TECRL: variants seen among roughly 807,000 people sequenced by gnomAD.
TECRL encodes the protein trans-2,3-enoyl-CoA reductase-like.
Under a neutral mutation model 52.8 loss-of-function variants are expected in TECRL, and 63 were observed. That is an observed-to-expected ratio of 1.19 (90% confidence interval 0.97 to 1.47). The LOEUF (loss-of-function observed/expected upper bound fraction) is 1.47. Among genes scored for constraint, TECRL ranks in the 40% most tolerant of loss-of-function variants. The pLI, the probability that TECRL is intolerant of heterozygous loss-of-function variation, is 0.00. For synonymous variants in TECRL, 164 were observed against 141.9 expected (o/e 1.16, Z -1.10); for missense variants, 482 against 429.6 (o/e 1.12, Z -1.08).
At chr4:64,301,881 A>T (rs895439668) in intron 7 of TECRL, among the ~76,000 whole-genome samples, 4 of 151,324 alleles carry the variant, frequency 2.6e-5, no homozygotes, top group African/African-American at 9.7e-5. Flanking sequence ...CCAAAAAAAC[A>T]AAGTTATAGG....
intron 2 of TECRL, among the ~76,000 whole-genome samples, chr4:64,350,721 T>A (rs1352534002): frequency 6.6e-6 from 1 of 151,892 alleles, no homozygotes; most frequent in Non-Finnish European, 1.5e-5. Flanking sequence ...GCCTTTTAAC[T>A]CGAACAGCAA....
intron 8 of TECRL, among the ~76,000 whole-genome samples, chr4:64,295,649 G>A (rs567180682): frequency 2.0e-5 from 3 of 151,804 alleles, no homozygotes; most frequent in African/African-American, 7.2e-5. Context: ...AAACATTCAT[G>A]ATTTTTTCAC....
At chr4:64,340,545 G>A (rs949541178) in intron 2 of TECRL, among the ~76,000 whole-genome samples, 3 of 152,238 alleles carry the variant, frequency 2.0e-5, no homozygotes, top group Non-Finnish European at 4.4e-5. Context: ...GCCCCCTGCT[G>A]CCTGCTGCTC....
chr4:64,374,458 T>C (rs6840506), intron 2 of TECRL, among the ~76,000 whole-genome samples: 135,574 of 151,510 alleles, frequency 0.89, 61,378 homozygotes, highest in East Asian at 1. Context: ...ATGTGCACAA[T>C]GTGCAGGTTT....
chr4:64,283,612 G>T (rs1722937511), intron 9 of TECRL, among the ~76,000 whole-genome samples: 1 of 152,050 alleles, frequency 6.6e-6, no homozygotes, highest in African/African-American at 2.4e-5. Context: ...TTAAAAGCCA[G>T]TTGTGAAAGT....
At chr4:64,371,599 T>C (rs2109661275) in intron 2 of TECRL, among the ~76,000 whole-genome samples, 1 of 151,774 alleles carries the variant, frequency 6.6e-6, no homozygotes, top group South Asian at 2.1e-4. Flanking sequence ...ATTTTATTAA[T>C]GCAAAATATC....
At chr4:64,357,719 T>C (rs540719305) in intron 2 of TECRL, among the ~76,000 whole-genome samples, 1 of 151,428 alleles carries the variant, frequency 6.6e-6, no homozygotes, top group Non-Finnish European at 1.5e-5. Flanking sequence ...AAGCACAAAT[T>C]CTATTTTAAA....
chr4:64,393,378 T>C (rs1201671219), intron 1 of TECRL, among the ~76,000 whole-genome samples: 1 of 152,012 alleles, frequency 6.6e-6, no homozygotes, highest in African/African-American at 2.4e-5. Flanking sequence ...GGGGGGAACA[T>C]GAATTTCTTC....
At chr4:64,299,873 T>A in intron 8 of TECRL, 101 bp downstream of exon 8, 1 of 474,506 alleles carries the variant, frequency 2.1e-6, no homozygotes, top group Non-Finnish European at 3.7e-6. Flanking sequence ...TATATAAATA[T>A]ATATCATATT....
At chr4:64,383,673 CTCTTTTATGTCTCACTAAGCT>C (rs896583398) in intron 1 of TECRL, among the ~76,000 whole-genome samples, 3 of 151,426 alleles carry the variant, frequency 2.0e-5, no homozygotes, top group African/African-American at 7.3e-5. Context: ...ATTTTTTGTG[CTCTTTTATGTCTCACTAAGCT>C]TCTTTAATAT....
chr4:64,299,961 A>G lies in TECRL; in HGVS notation c.774+13T>C, dbSNP rs769849937. 7.2e-5 allele frequency: 111 copies of G among 1,548,218 alleles called. No homozygotes were observed. Among genetic ancestry groups the G allele is most frequent in the Non-Finnish European group, 8.7e-5 (99 of 1,140,080 alleles). ...TTAGAGCGTGAATAGCAAAATATATATATGATACATACCAGAAAATTGATA... is the reference window on the plus strand; with the variant it reads ...TTAGAGCGTGAATAGCAAAATATATGTATGATACATACCAGAAAATTGATA... On this transcript the variant is annotated intron_variant, in intron 8 of 11. Coordinates refer to ENST00000381210, the MANE Select transcript of TECRL (RefSeq NM_001010874.5).
chr4:64,365,747 A>AG (rs1353621132), intron 2 of TECRL, among the ~76,000 whole-genome samples: 28 of 152,232 alleles, frequency 1.8e-4, no homozygotes, highest in African/African-American at 6.7e-4. Flanking sequence ...AAGAAACAAA[A>AG]AAAAATTACA....
At chr4:64,351,314 C>T (rs1162978155) in intron 2 of TECRL, among the ~76,000 whole-genome samples, 2 of 151,032 alleles carry the variant, frequency 1.3e-5, no homozygotes, top group African/African-American at 4.9e-5. Flanking sequence ...GGCAGAGTCT[C>T]ACTTTGTCAC....
chr4:64,312,431 C>A (rs906532087), intron 5 of TECRL, among the ~76,000 whole-genome samples: 4 of 152,112 alleles, frequency 2.6e-5, no homozygotes, highest in Admixed American at 1.3e-4. Flanking sequence ...CAAATACATT[C>A]ATCACTGAGA....
chr4:64,291,056 GC>G (rs1184399029), intron 8 of TECRL, among the ~76,000 whole-genome samples: 1 of 152,046 alleles, frequency 6.6e-6, no homozygotes, highest in Admixed American at 6.6e-5. Flanking sequence ...AAGTGTGTGG[GC>G]TTTTGTGGCA....
chr4:64,315,605 C>A (rs1717443389), intron 4 of TECRL, among the ~76,000 whole-genome samples: 1 of 2,514 alleles, frequency 4.0e-4, no homozygotes, highest in African/African-American at 4.8e-4. Context: ...TCATCTGCTA[C>A]CATTTTTTTT....
At chr4:64,310,383 G>C (rs561910960) in intron 5 of TECRL, among the ~76,000 whole-genome samples, 1 of 152,260 alleles carries the variant, frequency 6.6e-6, no homozygotes. Flanking sequence ...CAAGTACTAA[G>C]ATTGAGAAAA....
intron 6 of TECRL, among the ~76,000 whole-genome samples, chr4:64,309,236 C>A (rs114258858): frequency 6.6e-6 from 1 of 152,150 alleles, no homozygotes; most frequent in Non-Finnish European, 1.5e-5. Flanking sequence ...ACTTTTTTTA[C>A]AGACAAACCT....
intron 9 of TECRL, among the ~76,000 whole-genome samples, chr4:64,288,056 G>T (rs896513112): frequency 2.6e-5 from 4 of 151,814 alleles, no homozygotes; most frequent in Non-Finnish European, 5.9e-5. Context: ...TGAGGCAGGA[G>T]AATCGCTTGA....
Sources: gnomAD v4.1 joint callset for allele counts (sites outside exome capture counted in the v4.1 genomes callset) on GRCh38, gnomAD v4.1.1 for gene constraint, MANE v1.5 for transcripts, NCBI Gene and HGNC (gene_info 2026-07-23, HGNC 2026-07-21) for gene names.